CUX2: variants seen among roughly 807,000 people sequenced by gnomAD.
The protein encoded by CUX2 is cut like homeobox 2, also known as homeobox protein cut-like 2.
In CUX2, 40 loss-of-function variants were observed where a neutral mutation model predicts 144.8. The observed-to-expected ratio is 0.28, with a 90% confidence interval of 0.21 to 0.36. CUX2 has a LOEUF of 0.36. CUX2 is among the 10% of genes least tolerant of loss of function. The probability of loss-of-function intolerance (pLI) is 1.00; values close to 1 mark genes in which losing one functional copy is unlikely to be tolerated. For missense variants in CUX2, 1,615 were observed against 1,994.0 expected, an observed-to-expected ratio of 0.81 and a Z score of 3.62; for synonymous variants, 827 against 875.6, an observed-to-expected ratio of 0.94 and a Z score of 0.98.
intron 1 of CUX2, among the ~76,000 whole-genome samples, chr12:111,112,202 G>A (rs1326379877): frequency 6.6e-6 from 1 of 152,156 alleles, no homozygotes; most frequent in Non-Finnish European, 1.5e-5. Flanking sequence ...AGCAGGTGCT[G>A]TTAATTATTT....
chr12:111,098,929 G>A (rs1263553505), intron 1 of CUX2, among the ~76,000 whole-genome samples: 1 of 152,236 alleles, frequency 6.6e-6, no homozygotes, highest in Non-Finnish European at 1.5e-5. Flanking sequence ...CCCTCAGGGA[G>A]CCCCCAGACA....
chr12:111,245,400 T>C (rs766053686), intron 3 of CUX2, among the ~76,000 whole-genome samples: 1 of 151,958 alleles, frequency 6.6e-6, no homozygotes, highest in Non-Finnish European at 1.5e-5. Flanking sequence ...TTTTTTACTT[T>C]TTTCTTAATT....
chr12:111,338,190 T>C, intron 19 of CUX2, 96 bp from the exon 20 acceptor site: 3 of 1,320,572 alleles, frequency 2.3e-6, no homozygotes, highest in Non-Finnish European at 3.1e-6. Flanking sequence ...GCCTCGAGGC[T>C]CTCCCCTGTG....
chr12:111,055,678 C>T (rs1029542874), intron 1 of CUX2, among the ~76,000 whole-genome samples: 1 of 152,230 alleles, frequency 6.6e-6, no homozygotes, highest in Admixed American at 6.5e-5. Context: ...CCCCCCTTCC[C>T]CCAGCCCCCG....
In CUX2 at chr12:111,160,456, C is replaced by T. The variant is rs1877683212; in HGVS notation, c.64-53744C>T. Among the ~76,000 whole-genome samples, 2 of 152,106 alleles carry T rather than the reference C, an allele frequency of 1.3e-5. No homozygotes were observed. Among genetic ancestry groups the T allele is most frequent in the African/African-American group, 4.8e-5 (2 of 41,394 alleles). Reference sequence around the variant, plus strand: ...TGTGAGTGTGTCTGAGCCTTCATCTCTGTGCCTGTGTGTCTGCATGTGCAC... The same window carrying T: ...TGTGAGTGTGTCTGAGCCTTCATCTTTGTGCCTGTGTGTCTGCATGTGCAC... On this transcript the variant is annotated intron_variant, in intron 1 of 21. Coordinates refer to ENST00000261726, the MANE Select transcript of CUX2 (RefSeq NM_015267.4). This position sits in a 1 kb window ranked among gnomAD's most constrained non-coding sequence, Gnocchi z 4.1.
At chr12:111,150,325 G>C (rs559176688) in intron 1 of CUX2, among the ~76,000 whole-genome samples, 1 of 152,166 alleles carries the variant, frequency 6.6e-6, no homozygotes, top group African/African-American at 2.4e-5. Context: ...AAAAAGGGCC[G>C]GGAAAAAGAA....
At chr12:111,269,923 G>C (rs1884558979) in intron 4 of CUX2, among the ~76,000 whole-genome samples, 1 of 152,212 alleles carries the variant, frequency 6.6e-6, no homozygotes, top group South Asian at 2.1e-4. Flanking sequence ...CACCGACTTA[G>C]AGAACAAGGA....
chr12:111,138,987 G>A (rs144850088), intron 1 of CUX2, among the ~76,000 whole-genome samples: 145 of 149,598 alleles, frequency 9.7e-4, no homozygotes, highest in African/African-American at 3.4e-3. Context: ...GCATATCCCC[G>A]TCCCCCAATA....
At chr12:111,145,506 A>G (rs1876608765) in intron 1 of CUX2, among the ~76,000 whole-genome samples, 1 of 151,864 alleles carries the variant, frequency 6.6e-6, no homozygotes, top group South Asian at 2.1e-4. Context: ...GCAGCTGGGA[A>G]TACAGGTATA....
At chr12:111,211,085 A>G (rs1291683918) in intron 1 of CUX2, among the ~76,000 whole-genome samples, 2 of 152,222 alleles carry the variant, frequency 1.3e-5, no homozygotes, top group African/African-American at 4.8e-5. Context: ...AGCTTAGCAT[A>G]GTGCCTGGTA....
intron 4 of CUX2, among the ~76,000 whole-genome samples, chr12:111,265,108 C>T (rs964988918): frequency 3.3e-5 from 5 of 151,904 alleles, no homozygotes; most frequent in African/African-American, 1.2e-4. Flanking sequence ...AAAAAAAAGT[C>T]AACCTGTACT....
chr12:111,106,760 A>G (rs914135315), intron 1 of CUX2, among the ~76,000 whole-genome samples: 1 of 152,210 alleles, frequency 6.6e-6, no homozygotes, highest in Non-Finnish European at 1.5e-5. Context: ...GGGACAGAAA[A>G]CACATTTCTG....
At chr12:111,098,879 T>C (rs2136064890) in intron 1 of CUX2, among the ~76,000 whole-genome samples, 1 of 152,342 alleles carries the variant, frequency 6.6e-6, no homozygotes, top group South Asian at 2.1e-4. Flanking sequence ...GGCTCATGCC[T>C]GGTGCAGGGG....
chr12:111,110,685 T>C (rs1873887565), intron 1 of CUX2, among the ~76,000 whole-genome samples: 1 of 152,242 alleles, frequency 6.6e-6, no homozygotes, highest in South Asian at 2.1e-4. Context: ...TAATCTGTGA[T>C]TGCTGGTCTT....
In CUX2 at chr12:111,310,788, AC is replaced by A; in HGVS notation, c.1900+108del. ...TCTGGGTTCAAAGCCCAGCTCTACC[AC>A]CACCTGGCTGTGTGACCCAGGGCCA... is the stretch of plus-strand genomic sequence containing the variant. On this transcript the variant is annotated intron_variant, in intron 15 of 21. Coordinates refer to ENST00000261726, the MANE Select transcript of CUX2 (RefSeq NM_015267.4). The surrounding 1 kb of genome is among the most constrained non-coding windows in gnomAD (Gnocchi z 7.9). 7.6e-7 allele frequency: 1 copy of A among 1,307,318 alleles called. No individual in the cohort carries two copies. Among genetic ancestry groups the A allele is most frequent in the Non-Finnish European group, 1.0e-6 (1 of 977,042 alleles). The allele number at this position is 1,307,318 out of a possible 1,614,324, so 81.0% of individuals were successfully genotyped here.
rs552128586 is a variant in CUX2 at position 111,235,813 on chromosome 12, G to A, written c.222+17876G>A. Among the ~76,000 whole-genome samples, 9 of 152,288 alleles carry A rather than the reference G, an allele frequency of 5.9e-5. No homozygotes were observed. The East Asian group carries it at 1.7e-3, about 29-fold the overall frequency. On this transcript the variant is annotated intron_variant, in intron 3 of 21. Coordinates refer to ENST00000261726, the MANE Select transcript of CUX2 (RefSeq NM_015267.4). ...AAGTGGAGACAGGTTTGAAAGAGTT[G>A]GGAAGTGGGGATCCAGGTTGATGTG...
intron 21 of CUX2, among the ~76,000 whole-genome samples, chr12:111,343,371 T>C (rs1888658220): frequency 6.6e-6 from 1 of 152,142 alleles, no homozygotes; most frequent in Non-Finnish European, 1.5e-5. Context: ...AGGAGACCCC[T>C]GTAAAGAACA....
chr12:111,340,028 T>A (rs1174215852), intron 20 of CUX2, among the ~76,000 whole-genome samples: 1 of 152,132 alleles, frequency 6.6e-6, no homozygotes, highest in African/African-American at 2.4e-5. Context: ...AAACCCCATC[T>A]GTATTAAAAA....
chr12:111,196,736 C>A (rs991606862), intron 1 of CUX2, among the ~76,000 whole-genome samples: 2 of 152,236 alleles, frequency 1.3e-5, no homozygotes, highest in Admixed American at 6.5e-5. Context: ...CTTGTGCAAC[C>A]GAGGAACTGA....
Sources: allele counts gnomAD v4.1 joint callset (sites outside exome capture counted in the v4.1 genomes callset), GRCh38; gene constraint gnomAD v4.1.1; non-coding constraint Gnocchi (gnomAD v3.1); transcripts MANE v1.5; gene names NCBI Gene and HGNC (gene_info 2026-07-23, HGNC 2026-07-21).